The following UBXN2A variants were observed in gnomAD, a reference collection of about 807,000 sequenced individuals.
The protein encoded by UBXN2A is UBX domain protein 2A, also known as UBX domain-containing protein 2A.
Under a neutral mutation model 28.4 loss-of-function variants are expected in UBXN2A, and 28 were observed. The ratio of observed to expected loss-of-function variants is 0.99; its 90% CI spans 0.73 to 1.35. The LOEUF is 1.35. Among genes scored for constraint, UBXN2A ranks in the 40% most tolerant of loss-of-function variants. The pLI is 0.00. For missense variants in UBXN2A, 253 were observed against 297.9 expected (o/e 0.85, Z 1.11); for synonymous variants, 97 against 103.6 (o/e 0.94, Z 0.39).
chr2:23,983,535 T>TA (rs1708001749), intron 5 of UBXN2A, among the ~76,000 whole-genome samples: 1 of 152,106 alleles, frequency 6.6e-6, no homozygotes, highest in Admixed American at 6.6e-5. Context: ...AGCAATACAG[T>TA]AAAAAATCAT....
intron 1 of UBXN2A, among the ~76,000 whole-genome samples, chr2:23,928,655 T>C (rs913204144): frequency 6.6e-6 from 1 of 152,122 alleles, no homozygotes; most frequent in Non-Finnish European, 1.5e-5. Context: ...AACTGTTTAT[T>C]AAACTAAGAA....
At position 23,977,012 on chromosome 2, in the gene UBXN2A, A is replaced by G. The variant is rs755322787; in HGVS notation, c.224A>G (p.Asn75Ser). The G allele has an allele frequency of 5.6e-6, 9 of 1,612,982 alleles. No individual in the cohort carries two copies. Among genetic ancestry groups the G allele is most frequent in the South Asian group, 1.1e-5 (1 of 91,012 alleles). Residue 75 changes from asparagine (N) to serine (S), a missense_variant, in exon 4 of 7, where the codon AAC becomes AGC. Coordinates refer to ENST00000309033, the MANE Select transcript of UBXN2A (RefSeq NM_181713.4). The part of the protein sequence containing the change: ...IKLWKNGFTV[N>S]DDFRSYSDGA... Reference sequence around the variant, plus strand: ...TTATGGAAAAACGGATTCACCGTCAACGACGATTTCAGAAGTTATTCCGAT... The same window carrying G: ...TTATGGAAAAACGGATTCACCGTCAGCGACGATTTCAGAAGTTATTCCGAT...
chr2:23,977,325 T>A, intron 4 of UBXN2A: 1 of 69,318 alleles, frequency 1.4e-5, no homozygotes, highest in Non-Finnish European at 2.6e-5. Flanking sequence ...ATGCCCTGTC[T>A]CCAAAAAAAA....
intron 1 of UBXN2A, chr2:23,944,326 T>C (rs1171676429): frequency 2.7e-5 from 44 of 1,601,822 alleles, no homozygotes; most frequent in Non-Finnish European, 3.5e-5. Flanking sequence ...CTTACTGTGT[T>C]ATTTGTAGGG....
intron 6 of UBXN2A, among the ~76,000 whole-genome samples, chr2:23,987,105 A>C (rs1708162516): frequency 6.6e-6 from 1 of 152,108 alleles, no homozygotes; most frequent in African/African-American, 2.4e-5. Context: ...AAGGAAAAAA[A>C]AAAAGTTTGT....
intron 2 of UBXN2A, among the ~76,000 whole-genome samples, chr2:23,961,539 CTTTTTTTTTTTT>C (rs71395167): frequency 2.0e-5 from 1 of 51,272 alleles, no homozygotes; most frequent in African/African-American, 7.4e-5. Flanking sequence ...AGAAAACTGC[CTTTTTTTTTTTT>C]TTTTTTTTTT....
At chr2:23,962,106 A>G (rs1706952123) in intron 2 of UBXN2A, among the ~76,000 whole-genome samples, 1 of 152,032 alleles carries the variant, frequency 6.6e-6, no homozygotes, top group Non-Finnish European at 1.5e-5. Context: ...CAGCCTCCCA[A>G]AAGTGCTAGG....
At chr2:23,938,551 CT>C (rs1285718986), upstream of UBXN2A, among the ~76,000 whole-genome samples, 230 of 143,146 alleles carry the variant, frequency 1.6e-3, no homozygotes, top group African/African-American at 5.4e-3. Context: ...TGGCCCCCCC[CT>C]CCCTTTTTTT....
chr2:23,955,284 G>A (rs72796396), intron 1 of UBXN2A, among the ~76,000 whole-genome samples: 18,561 of 152,104 alleles, frequency 0.12, 1,218 homozygotes, highest in Middle Eastern at 0.21. Flanking sequence ...TCCCTTGGTT[G>A]CTGTAACCCT....
intron 6 of UBXN2A, among the ~76,000 whole-genome samples, chr2:23,985,311 C>T (rs776712647): frequency 6.6e-6 from 1 of 152,008 alleles, no homozygotes; most frequent in African/African-American, 2.4e-5. Flanking sequence ...TGTAGTGGCA[C>T]GATCTCAGCT....
intron 1 of UBXN2A, among the ~76,000 whole-genome samples, chr2:23,931,509 A>G (rs749421246): frequency 1.6e-4 from 24 of 152,188 alleles, no homozygotes; most frequent in Non-Finnish European, 3.1e-4. Flanking sequence ...AGTACATACT[A>G]GAGGAAATAA....
chr2:23,961,164 T>A (rs1160874895), intron 2 of UBXN2A, among the ~76,000 whole-genome samples: 1 of 151,888 alleles, frequency 6.6e-6, no homozygotes, highest in East Asian at 1.9e-4. Flanking sequence ...GGTACAATCT[T>A]GGCTCACTGC....
chr2:23,971,576 C>A lies in UBXN2A; in HGVS notation c.180+162C>A, dbSNP rs368240832. 5.3e-3 allele frequency among the ~76,000 whole-genome samples: 803 copies of A among 152,194 alleles called. 7 individuals carry two copies. Among genetic ancestry groups the A allele is most frequent in the Non-Finnish European group, 8.0e-3 (543 of 68,010 alleles). ...CGATCTTAGCCCACTGCAACCTCAA[C>A]CTCCTGGGTTCAAGCAGTCCTCCTG... On this transcript the variant is annotated intron_variant, in intron 3 of 6. Coordinates refer to ENST00000309033, the MANE Select transcript of UBXN2A (RefSeq NM_181713.4).
At chr2:23,998,816 G>A (rs1048982106) in intron 6 of UBXN2A, among the ~76,000 whole-genome samples, 5 of 152,004 alleles carry the variant, frequency 3.3e-5, no homozygotes, top group Non-Finnish European at 7.4e-5. Flanking sequence ...TGCAACCTTC[G>A]TCTCCCGCGA....
chr2:23,931,963 A>T (rs1705381375), intron 1 of UBXN2A, among the ~76,000 whole-genome samples: 1 of 151,850 alleles, frequency 6.6e-6, no homozygotes, highest in African/African-American at 2.4e-5. Context: ...GTGAGCCGAG[A>T]TCACGCCATT....
Position 24,000,815 on chromosome 2 carries a change from T to C in UBXN2A, c.*948T>C, listed in dbSNP as rs774484007. ...ATAAAAATGTAATAAAAGAAAATTA[T>C]CTTTCTAAAAAGCCTATTCCCTTTC... On this transcript the variant is annotated 3_prime_UTR_variant, in exon 7 of 7. Coordinates refer to ENST00000309033, the MANE Select transcript of UBXN2A (RefSeq NM_181713.4). 6.6e-5 allele frequency: 10 copies of C among 152,246 alleles called. No individual in the cohort carries two copies. The highest frequency in any genetic ancestry group is 1.3e-4 in the Non-Finnish European group (9 of 68,044). 9.4% of individuals were successfully genotyped at this position (152,246 alleles called of 1,614,324 possible).
Position 23,931,405 on chromosome 2 carries a change from C to T in UBXN2A, c.-138+3790C>T, listed in dbSNP as rs966106446. Among the ~76,000 whole-genome samples, 8 of 152,196 alleles carry T rather than the reference C, an allele frequency of 5.3e-5. No individual in the cohort carries two copies. The East Asian group carries it at 5.8e-4, about 11-fold the overall frequency. On this transcript the variant is annotated intron_variant, in intron 1 of 7. Transcript: ENST00000404924. Reference sequence around the variant, plus strand: ...AGGCTGCAGTAAGCCAAGACCTCACCACTGCACTCCAACCTGGGCAACAGA... The same window carrying T: ...AGGCTGCAGTAAGCCAAGACCTCACTACTGCACTCCAACCTGGGCAACAGA...
chr2:23,993,324 C>T (rs1388500188), intron 6 of UBXN2A, among the ~76,000 whole-genome samples: 3 of 151,896 alleles, frequency 2.0e-5, no homozygotes, highest in Non-Finnish European at 4.4e-5. Context: ...GCTTTTTTTC[C>T]CCCTAAATGA....
At chr2:23,931,668 C>A (rs1238015015) in intron 1 of UBXN2A, among the ~76,000 whole-genome samples, 3 of 152,202 alleles carry the variant, frequency 2.0e-5, no homozygotes, top group African/African-American at 7.2e-5. Context: ...AGACAGCTTT[C>A]ATTTCCAATG....
Sources: allele counts gnomAD v4.1 joint callset (sites outside exome capture counted in the v4.1 genomes callset), GRCh38; gene constraint gnomAD v4.1.1; transcripts MANE v1.5; gene names NCBI Gene and HGNC (gene_info 2026-07-23, HGNC 2026-07-21).